Variants in BUB1B observed in about 807,000 individuals in gnomAD.
BUB1B encodes the protein mitotic checkpoint serine/threonine-protein kinase BUB1 beta.
In BUB1B, 86 loss-of-function variants were observed where a neutral mutation model predicts 137.7. That is an observed-to-expected ratio of 0.62 (90% CI 0.52 to 0.75). The LOEUF (loss-of-function observed/expected upper bound fraction) is 0.75. Among genes scored for constraint, BUB1B ranks in the 30% least tolerant of loss-of-function variants. The probability of loss-of-function intolerance (pLI) is 0.00; values close to 1 mark genes in which losing one functional copy is unlikely to be tolerated. For synonymous variants in BUB1B, 420 were observed against 417.9 expected, an observed-to-expected ratio of 1.00 and a Z score of -0.06; for missense variants, 1,130 against 1,236.9, an observed-to-expected ratio of 0.91 and a Z score of 1.30.
intron 1 of BUB1B, among the ~76,000 whole-genome samples, chr15:40,162,174 A>T (rs2140876995): frequency 6.6e-6 from 1 of 152,330 alleles, no homozygotes; most frequent in South Asian, 2.1e-4. Flanking sequence ...ACTTGAAGGA[A>T]TCTCAAAAGC....
In BUB1B at chr15:40,200,932, G is replaced by A. The variant is rs918041637; in HGVS notation, c.1519G>A (p.Glu507Lys). The part of the protein sequence containing the change: ...SVCQVNCCAR[E>K]TSLAENIWQE... ...GATTTAAAACAAGTTTCTTTACAGA[G>A]AAACTTCACTTGCGGAGAACATTTG... is the stretch of plus-strand genomic sequence containing the variant. Residue 507 changes from glutamate to lysine, a missense_variant and splice_region_variant, in exon 12 of 23, where the codon GAA (glutamate) becomes AAA (lysine). Coordinates refer to ENST00000287598, the MANE Select transcript of BUB1B (RefSeq NM_001211.6). The A allele has an allele frequency of 1.2e-6, 2 of 1,613,242 alleles. No homozygotes were observed. The highest frequency in any genetic ancestry group is 1.7e-4 in the Middle Eastern group (1 of 6,054).
Position 40,213,445 on chromosome 15 carries a change from G to A in BUB1B, c.2649G>A (p.Leu883=). The part of the protein sequence containing the change: ...LHKAEIVHGD[L]SPRCLILRNR... ...AAGCAGAAATAGTCCATGGTGACTT[G>A]AGTCCAAGGTGTCTGATTCTCAGAA... The change falls in exon 20 of 23, where the codon TTG becomes TTA. Residue 883 remains leucine, a synonymous_variant. Transcript: ENST00000287598. The A allele has an allele frequency of 6.2e-7, 1 of 1,614,154 alleles. No homozygotes were observed. Among genetic ancestry groups the A allele is most frequent in the Non-Finnish European group, 8.5e-7 (1 of 1,180,016 alleles).
intron 15 of BUB1B, among the ~76,000 whole-genome samples, chr15:40,206,784 T>C (rs1254675513): frequency 6.6e-6 from 1 of 152,056 alleles, no homozygotes; most frequent in African/African-American, 2.4e-5. Flanking sequence ...TTTAAAATAG[T>C]GGTAGGATAG....
intron 4 of BUB1B, 27 bp downstream of exon 4, chr15:40,170,708 G>C (rs986380322): frequency 6.8e-6 from 11 of 1,607,386 alleles, no homozygotes; most frequent in Admixed American, 1.7e-5. Context: ...TGCCATCTGA[G>C]TTTTAAATAT....
At chr15:40,167,387 G>A (rs2037112757) in intron 2 of BUB1B, among the ~76,000 whole-genome samples, 1 of 90,998 alleles carries the variant, frequency 1.1e-5, no homozygotes, top group South Asian at 3.9e-4. Context: ...TGTTGCTCTT[G>A]TTGCCCAGGC....
At chr15:40,209,372 C>T (rs775606614) in intron 16 of BUB1B, among the ~76,000 whole-genome samples, 1 of 152,176 alleles carries the variant, frequency 6.6e-6, no homozygotes, top group Non-Finnish European at 1.5e-5. Context: ...AGCAGTGAGC[C>T]GAGATGGCGC....
chr15:40,213,037 A>C (rs376503532), intron 19 of BUB1B, among the ~76,000 whole-genome samples: 1 of 152,106 alleles, frequency 6.6e-6, no homozygotes, highest in Non-Finnish European at 1.5e-5. Flanking sequence ...TTTGATGATA[A>C]TATGAATTCT....
rs747129074 is a variant in BUB1B, at chr15:40,176,457, T to G, written c.385-20T>G. On this transcript the variant is annotated intron_variant, in intron 4 of 22. Coordinates refer to ENST00000287598, the MANE Select transcript of BUB1B (RefSeq NM_001211.6). The stretch of plus-strand genomic sequence containing the variant: ...AATACGTGAGTAGAAATTGGTTAAC[T>G]GTTAACACTTCTGTTACAGGGGCGT... 1.2e-6 allele frequency: 2 copies of G among 1,613,124 alleles called. No individual in the cohort carries two copies. The highest frequency in any genetic ancestry group is 1.7e-6 in the Non-Finnish European group (2 of 1,179,106).
intron 5 of BUB1B, among the ~76,000 whole-genome samples, chr15:40,179,709 G>A (rs2037261431): frequency 6.6e-6 from 1 of 151,736 alleles, no homozygotes. Flanking sequence ...GATTATCTGA[G>A]TGTTTTTTAG....
At chr15:40,202,515 GTTA>G (rs745511172) in intron 13 of BUB1B, 50 bp downstream of exon 13, 2 of 1,592,924 alleles carry the variant, frequency 1.3e-6, no homozygotes, top group African/African-American at 1.3e-5. Flanking sequence ...AGAATTTTCT[GTTA>G]TTATAAGTGA....
At chr15:40,180,806 C>T (rs1023438860) in intron 5 of BUB1B, among the ~76,000 whole-genome samples, 2 of 151,114 alleles carry the variant, frequency 1.3e-5, no homozygotes, top group African/African-American at 2.4e-5. Flanking sequence ...CCTGCCACCA[C>T]GGCTGGCTAA....
In BUB1B at chr15:40,221,102, T is replaced by A; in HGVS notation, c.*343T>A. On this transcript the variant is annotated 3_prime_UTR_variant, in exon 23 of 23. Coordinates refer to ENST00000287598, the MANE Select transcript of BUB1B (RefSeq NM_001211.6). Reference sequence around the variant, plus strand: ...TTATGATCACCATGTATTTTGTAAATAATAAAATAGTATCTGTTAAATTTG... The same window carrying A: ...TTATGATCACCATGTATTTTGTAAAAAATAAAATAGTATCTGTTAAATTTG... 1 of 335,918 alleles carries A rather than the reference T, an allele frequency of 3.0e-6. No homozygotes were observed. Among genetic ancestry groups the A allele is most frequent in the Non-Finnish European group, 5.6e-6 (1 of 180,062 alleles). The allele number at this position is 335,918 out of a possible 1,614,324, so 20.8% of individuals were successfully genotyped here.
At chr15:40,213,130 C>T (rs2037735143) in intron 19 of BUB1B, among the ~76,000 whole-genome samples, 1 of 152,166 alleles carries the variant, frequency 6.6e-6, no homozygotes, top group Admixed American at 6.5e-5. Context: ...TGCCCTTCAT[C>T]ATTATGTCAT....
chr15:40,188,739 C>T (rs1461900932), intron 8 of BUB1B, among the ~76,000 whole-genome samples: 3 of 151,862 alleles, frequency 2.0e-5, no homozygotes, highest in Non-Finnish European at 2.9e-5. Flanking sequence ...CCCGCCACGA[C>T]GCCCAGCTAA....
At position 40,206,369 on chromosome 15, in the gene BUB1B, GGAA is replaced by G; in HGVS notation, c.1926_1928del (p.Glu642del). The G allele has an allele frequency of 6.2e-7, 1 of 1,614,100 alleles. No homozygotes were observed. The highest frequency in any genetic ancestry group is 8.5e-7 in the Non-Finnish European group (1 of 1,180,020). ...CTTCTGATCCTGAGAGACTGTTACC[GGAA>G]GAAGATCTAGATGTAAAGACCTCTG... On this transcript the variant is annotated inframe_deletion, in exon 15 of 23. Coordinates refer to ENST00000287598, the MANE Select transcript of BUB1B (RefSeq NM_001211.6).
At position 40,161,199 on chromosome 15, in the gene BUB1B, G is replaced by A. The variant is rs764821500; in HGVS notation, c.-22G>A. 1 of 1,612,986 alleles carries A rather than the reference G, an allele frequency of 6.2e-7. No individual in the cohort carries two copies. The highest frequency in any genetic ancestry group is 1.1e-5 in the South Asian group (1 of 90,750). On this transcript the variant is annotated 5_prime_UTR_variant, in exon 1 of 23. Coordinates refer to ENST00000287598, the MANE Select transcript of BUB1B (RefSeq NM_001211.6). ...AGAGGAAAGGCCTGCAGCAGGACGA[G>A]GACCTGAGCCAGGAATGCAGGATGG...
chr15:40,175,990 C>T (rs2037219085), intron 4 of BUB1B, among the ~76,000 whole-genome samples: 1 of 152,094 alleles, frequency 6.6e-6, no homozygotes, highest in Non-Finnish European at 1.5e-5. Context: ...ACTCTGTCAC[C>T]CAGGCTAGAA....
chr15:40,177,792 CTT>C (rs763883313), intron 5 of BUB1B, among the ~76,000 whole-genome samples: 3 of 137,010 alleles, frequency 2.2e-5, no homozygotes, highest in Non-Finnish European at 1.6e-5. Flanking sequence ...TTTATTTAGG[CTT>C]TTTTTTTTTT....
intron 5 of BUB1B, among the ~76,000 whole-genome samples, chr15:40,178,444 A>G (rs1157520109): frequency 1.3e-5 from 2 of 152,192 alleles, no homozygotes; most frequent in East Asian, 3.9e-4. Context: ...ATATGGTTTC[A>G]AGTCTTAAAT....
Sources: allele counts gnomAD v4.1 joint callset (sites outside exome capture counted in the v4.1 genomes callset), GRCh38; gene constraint gnomAD v4.1.1; transcripts MANE v1.5; gene names NCBI Gene and HGNC (gene_info 2026-07-23, HGNC 2026-07-21).